CFAP44: variants seen among roughly 807,000 people sequenced by gnomAD.
CFAP44 encodes the protein cilia- and flagella-associated protein 44.
A neutral mutation model predicts 216.2 loss-of-function variants in CFAP44; 134 were observed. The observed-to-expected ratio is 0.62, with a 90% CI of 0.54 to 0.72. The LOEUF (loss-of-function observed/expected upper bound fraction) is 0.72. CFAP44 is among the 30% of genes least tolerant of loss of function. The pLI is 0.00. For missense variants in CFAP44, 2,035 were observed against 2,182.1 expected, an observed-to-expected ratio of 0.93 and a Z score of 1.34; for synonymous variants, 700 against 727.6, an observed-to-expected ratio of 0.96 and a Z score of 0.61.
At chr3:113,386,430 T>A (rs1295830164) in intron 15 of CFAP44, among the ~76,000 whole-genome samples, 1 of 152,240 alleles carries the variant, frequency 6.6e-6, no homozygotes, top group Non-Finnish European at 1.5e-5. Flanking sequence ...AGGTCTTTTG[T>A]CTGTCTTTTG....
chr3:113,401,761 A>G (rs1253500438), intron 9 of CFAP44, 22 bp from the exon 10 acceptor site: 1 of 1,581,520 alleles, frequency 6.3e-7, no homozygotes, highest in South Asian at 1.2e-5. Context: ...AAAAGAAAAT[A>G]CTTTAATCGA....
intron 8 of CFAP44, among the ~76,000 whole-genome samples, chr3:113,405,527 A>C (rs1934253103): frequency 6.6e-6 from 1 of 151,936 alleles, no homozygotes; most frequent in Non-Finnish European, 1.5e-5. Flanking sequence ...TTGCAAGTCT[A>C]CTCTTCCCAT....
chr3:113,338,278 A>G (rs1239449473), intron 24 of CFAP44, among the ~76,000 whole-genome samples: 4 of 149,458 alleles, frequency 2.7e-5, no homozygotes, highest in African/African-American at 9.9e-5. Flanking sequence ...AAAAAAAAAA[A>G]AAAAAAGAAC....
rs535075273 is a variant in CFAP44 at position 113,375,522 on chromosome 3, T to C, written c.2299-1966A>G. The stretch of plus-strand genomic sequence containing the variant: ...TGAGAAGGATGTAATACACATAAAG[T>C]TGGGGTCCCAGAACAAGAGAGTGAA... On this transcript the variant is annotated intron_variant, in intron 17 of 34. Coordinates refer to ENST00000393845, the MANE Select transcript of CFAP44 (RefSeq NM_001164496.2). Among the ~76,000 whole-genome samples the C allele has an allele frequency of 5.3e-5, 8 of 152,156 alleles. No individual in the cohort carries two copies. In the South Asian group the frequency reaches 1.5e-3, roughly 28 times the overall value.
chr3:113,338,853 G>A (rs1250656429), intron 24 of CFAP44, among the ~76,000 whole-genome samples: 1 of 152,200 alleles, frequency 6.6e-6, no homozygotes. Context: ...GGGGGCAAGT[G>A]AGGGGCTGAA....
In CFAP44 at chr3:113,366,246, AT is replaced by A; in HGVS notation, c.2507del (p.Asn836IlefsTer7). The A allele has an allele frequency of 2.5e-6, 4 of 1,613,902 alleles. No individual in the cohort carries two copies. The highest frequency in any genetic ancestry group is 3.4e-6 in the Non-Finnish European group (4 of 1,179,870). ...KNGAIRVYVL[N>X]QNDPSLTSLV... ...AACTGGTCAATGAAGGATCATTTTG[AT>A]TTAGGACATAGACTCGAATTGCTCC... On this transcript the variant is annotated frameshift_variant, in exon 19 of 35. Coordinates refer to ENST00000393845, the MANE Select transcript of CFAP44 (RefSeq NM_001164496.2). LOFTEE classifies it high-confidence loss of function.
intron 5 of CFAP44, 147 bp downstream of exon 5, chr3:113,419,870 G>T: frequency 1.5e-6 from 1 of 669,850 alleles, no homozygotes; most frequent in Non-Finnish European, 2.4e-6. Context: ...AATTGAAAAT[G>T]CCTTGGAATA....
At chr3:113,427,923 G>T (rs948364337) in intron 2 of CFAP44, among the ~76,000 whole-genome samples, 1 of 152,060 alleles carries the variant, frequency 6.6e-6, no homozygotes, top group Non-Finnish European at 1.5e-5. Context: ...ACTTTCAGAA[G>T]AATAAGGAAG....
At position 113,304,079 on chromosome 3, in the gene CFAP44, A is replaced by C; in HGVS notation, c.4914T>G (p.Leu1638=). ...YVVFGEIPSD[L]SGTLVFSNHA... ...GGTTAGAGAAGACCAAAGTACCAGA[A>C]AGATCGCTAGGTATTTCTCCAAATA... The change falls in exon 32 of 35, where the codon CTT becomes CTG. Residue 1638 remains leucine, a synonymous_variant. Transcript: ENST00000393845. 1 of 1,537,276 alleles carries C rather than the reference A, an allele frequency of 6.5e-7. No homozygotes were observed. The highest frequency in any genetic ancestry group is 8.7e-7 in the Non-Finnish European group (1 of 1,146,916).
At chr3:113,392,718 T>G (rs1475428759) in intron 15 of CFAP44, among the ~76,000 whole-genome samples, 1 of 144,784 alleles carries the variant, frequency 6.9e-6, no homozygotes, top group African/African-American at 2.4e-5. Context: ...CAAATAATAA[T>G]AATAAAGACC....
At chr3:113,401,200 T>C in intron 11 of CFAP44, 40 bp downstream of exon 11, 1 of 1,526,824 alleles carries the variant, frequency 6.5e-7, no homozygotes, top group East Asian at 2.3e-5. Context: ...AAGTTTTTAC[T>C]ATGAAAGTTA....
At position 113,379,365 on chromosome 3, in the gene CFAP44, T is replaced by G; in HGVS notation, c.2239A>C (p.Thr747Pro). ...AATCCACAGAGGATGGGAGAGGGGGTTGACGGAATAAATATTTCAGGTAAT... is the reference window on the plus strand; with the variant it reads ...AATCCACAGAGGATGGGAGAGGGGGGTGACGGAATAAATATTTCAGGTAAT... ...EPLPEIFIPSTPSPILCGFYS... is the reference protein window; with the variant it reads ...EPLPEIFIPSPPSPILCGFYS... The change falls in exon 17 of 35, where the codon ACC becomes CCC. Residue 747 changes from threonine (T) to proline (P), a missense_variant. By Grantham distance (38) the Thr-to-Pro change is conservative (BLOSUM62 -1). Around this residue, in one of 3 missense-constraint regions of CFAP44, gnomAD observed 1,883 missense variants for 2,023.7 expected, o/e 0.93. Transcript: ENST00000393845. 2 of 1,612,362 alleles carry G rather than the reference T, an allele frequency of 1.2e-6. No homozygotes were observed. Among genetic ancestry groups the G allele is most frequent in the Non-Finnish European group, 1.7e-6 (2 of 1,178,960 alleles).
intron 15 of CFAP44, among the ~76,000 whole-genome samples, chr3:113,392,947 C>A (rs537915804): frequency 1.3e-5 from 2 of 152,258 alleles, no homozygotes; most frequent in Admixed American, 1.3e-4. Context: ...CACAGCTGCC[C>A]AATAGATCCA....
chr3:113,327,537 T>G, intron 27 of CFAP44, 79 bp downstream of exon 27: 1 of 1,297,846 alleles, frequency 7.7e-7, no homozygotes, highest in South Asian at 1.5e-5. Flanking sequence ...AGTGGGAGAT[T>G]TGAGTTAAGA....
chr3:113,407,689 C>T (rs1179398719), intron 7 of CFAP44, among the ~76,000 whole-genome samples: 1 of 152,106 alleles, frequency 6.6e-6, no homozygotes, highest in Non-Finnish European at 1.5e-5. Flanking sequence ...AATGTTATTA[C>T]TAACATTTTC....
intron 6 of CFAP44, among the ~76,000 whole-genome samples, chr3:113,411,217 G>C (rs1443616952): frequency 6.6e-6 from 1 of 152,132 alleles, no homozygotes; most frequent in African/African-American, 2.4e-5. Flanking sequence ...TGAAGTCCTT[G>C]CCCATGCCTA....
At chr3:113,295,607 C>T (rs544274728) in intron 33 of CFAP44, among the ~76,000 whole-genome samples, 4 of 152,316 alleles carry the variant, frequency 2.6e-5, no homozygotes, top group African/African-American at 9.6e-5. Flanking sequence ...TGAGATAAGA[C>T]AGGAAACTGG....
chr3:113,302,579 G>C lies in CFAP44; in HGVS notation c.5077+1337C>G, dbSNP rs1361372511. 4.6e-5 allele frequency among the ~76,000 whole-genome samples: 7 copies of C among 151,014 alleles called. No individual in the cohort carries two copies. The East Asian group carries it at 1.4e-3, about 29-fold the overall frequency. On this transcript the variant is annotated intron_variant, in intron 32 of 34. Transcript: ENST00000393845. ...GTTTGAGACCAGCCTGGCCACCATGGAGAAACCCCATCTCTACTAAAAAAC... is the reference window on the plus strand; with the variant it reads ...GTTTGAGACCAGCCTGGCCACCATGCAGAAACCCCATCTCTACTAAAAAAC...
chr3:113,381,202 A>G lies in CFAP44; in HGVS notation c.1891-142T>C, dbSNP rs116005274. 214 of 473,228 alleles carry G rather than the reference A, an allele frequency of 4.5e-4. 1 individual carries two copies. Among genetic ancestry groups the G allele is most frequent in the African/African-American group, 3.1e-3 (157 of 49,868 alleles). 29.3% of individuals were successfully genotyped at this position (473,228 alleles called of 1,614,324 possible). A position where few individuals can be genotyped will look rare whatever the true frequency, so the allele number is the denominator to read the frequency against. On this transcript the variant is annotated intron_variant, in intron 15 of 34. Coordinates refer to ENST00000393845, the MANE Select transcript of CFAP44 (RefSeq NM_001164496.2). ...TAATTCCTCACTGCAGTTATTGGTA[A>G]AAAGTCAAGTTTATTAATAATTATT...
Sources: allele counts gnomAD v4.1 joint callset (sites outside exome capture counted in the v4.1 genomes callset), GRCh38; gene constraint gnomAD v4.1.1; regional missense constraint gnomAD v4.1.1; transcripts MANE v1.5; gene names NCBI Gene and HGNC (gene_info 2026-07-23, HGNC 2026-07-21).